KCNQ1: variants seen among roughly 807,000 people sequenced by gnomAD.
KCNQ1 encodes the protein potassium voltage-gated channel subfamily KQT member 1.
A neutral mutation model predicts 72.4 loss-of-function variants in KCNQ1; 49 were observed. That is an observed-to-expected ratio of 0.68 (90% CI 0.54 to 0.86). The LOEUF is 0.86. Among genes scored for constraint, KCNQ1 ranks in the 40% least tolerant of loss-of-function variants. KCNQ1 has a pLI of 0.00. For missense variants in KCNQ1, 790 were observed against 945.1 expected (o/e 0.84, Z 2.15); for synonymous variants, 450 against 412.6 (o/e 1.09, Z -1.10).
intron 11 of KCNQ1, chr11:2,684,352 T>G (rs1850448868): frequency 7.5e-6 from 3 of 398,546 alleles, no homozygotes. Context: ...GTTTGAGGCC[T>G]GGGACTTGCT....
intron 15 of KCNQ1, among the ~76,000 whole-genome samples, chr11:2,841,563 T>G (rs924856916): frequency 1.3e-5 from 2 of 152,168 alleles, no homozygotes; most frequent in South Asian, 4.2e-4. Flanking sequence ...TCGTGCCCTG[T>G]GGATACAGGA....
Position 2,645,959 on chromosome 11 carries a change from G to A in KCNQ1, c.1394-16002G>A, listed in dbSNP as rs1849659346. ...TAGTCTCAAGGCATCTATGGGTCAG[G>A]GGGTTCTCTGACTAGGATTTCAGGA... On this transcript the variant is annotated intron_variant, in intron 10 of 15. Coordinates refer to ENST00000155840, the MANE Select transcript of KCNQ1 (RefSeq NM_000218.3). The surrounding 1 kb of genome is among the most constrained non-coding windows in gnomAD (Gnocchi z 5.8). 2.5e-6 allele frequency: 1 copy of A among 398,468 alleles called. No individual in the cohort carries two copies. The highest frequency in any genetic ancestry group is 2.1e-5 in the African/African-American group (1 of 48,572). 24.7% of individuals were successfully genotyped at this position (398,468 alleles called of 1,614,324 possible).
intron 2 of KCNQ1, among the ~76,000 whole-genome samples, chr11:2,530,002 C>A (rs1228502660): frequency 6.6e-6 from 1 of 152,158 alleles, no homozygotes; most frequent in Non-Finnish European, 1.5e-5. Context: ...GGAATAAACC[C>A]CCTTGGTCCT....
chr11:2,554,349 C>T (rs928033131), intron 2 of KCNQ1, among the ~76,000 whole-genome samples: 4 of 152,224 alleles, frequency 2.6e-5, no homozygotes, highest in Non-Finnish European at 5.9e-5. Context: ...TCTATTTCTT[C>T]TTGATGAGGT....
chr11:2,565,169 T>A lies in KCNQ1; in HGVS notation c.478-5459T>A, dbSNP rs1215637112. On this transcript the variant is annotated intron_variant, in intron 2 of 15. Coordinates refer to ENST00000155840, the MANE Select transcript of KCNQ1 (RefSeq NM_000218.3). The surrounding 1 kb of genome is among the most constrained non-coding windows in gnomAD (Gnocchi z 5.6). The stretch of plus-strand genomic sequence containing the variant: ...TAAACAGACTATTTGTTAGAGCAGT[T>A]TTAGGTTCACAGCAAAATCGAGCGG... Among the ~76,000 whole-genome samples the A allele has an allele frequency of 6.6e-6, 1 of 152,172 alleles. No individual in the cohort carries two copies. The highest frequency in any genetic ancestry group is 1.9e-4 in the East Asian group (1 of 5,192).
At position 2,613,015 on chromosome 11, in the gene KCNQ1, T is replaced by C. The variant is rs369352207; in HGVS notation, c.1393+24161T>C. 2.5e-6 allele frequency: 1 copy of C among 398,638 alleles called. No homozygotes were observed. The highest frequency in any genetic ancestry group is 4.4e-6 in the Non-Finnish European group (1 of 226,084). The allele number at this position is 398,638 out of a possible 1,614,324, so 24.7% of individuals were successfully genotyped here. ...TCAGTTTTGTTTGTTTTAATTCTTA[T>C]GTTTGTTTTGTAAGCCTGGCTTCAT... is the stretch of plus-strand genomic sequence containing the variant. On this transcript the variant is annotated intron_variant, in intron 10 of 15. Coordinates refer to ENST00000155840, the MANE Select transcript of KCNQ1 (RefSeq NM_000218.3). This position sits in a 1 kb window ranked among gnomAD's most constrained non-coding sequence, Gnocchi z 4.8.
At position 2,464,481 on chromosome 11, in the gene KCNQ1, G is replaced by T. The variant is rs1846323532; in HGVS notation, c.386+18997G>T. Among the ~76,000 whole-genome samples, 1 of 152,208 alleles carries T rather than the reference G, an allele frequency of 6.6e-6. No homozygotes were observed. The highest frequency in any genetic ancestry group is 6.5e-5 in the Admixed American group (1 of 15,282). On this transcript the variant is annotated intron_variant, in intron 1 of 15. Coordinates refer to ENST00000155840, the MANE Select transcript of KCNQ1 (RefSeq NM_000218.3). This position sits in a 1 kb window ranked among gnomAD's most constrained non-coding sequence, Gnocchi z 5.0. ...ATTGAGTGTGATTTGACCTAGGAGA[G>T]TGCCGGGGTGGGGGCAGGTGCACTG...
rs891477107 is a variant in KCNQ1 at position 2,592,487 on chromosome 11, C to G, written c.1393+3633C>G. Among the ~76,000 whole-genome samples the G allele has an allele frequency of 6.6e-6, 1 of 152,184 alleles. No homozygotes were observed. Among genetic ancestry groups the G allele is most frequent in the Non-Finnish European group, 1.5e-5 (1 of 68,026 alleles). On this transcript the variant is annotated intron_variant, in intron 10 of 15. Transcript: ENST00000155840. This position sits in a 1 kb window ranked among gnomAD's most constrained non-coding sequence, Gnocchi z 5.2. The stretch of plus-strand genomic sequence containing the variant: ...CACGCAGCAGGGCCCGCTGCTGCTC[C>G]CTCAACCTTCTGACCTGGGTGGGGA...
In KCNQ1 at chr11:2,746,088, C is replaced by T. The variant is rs911896344; in HGVS notation, c.1515-22756C>T. ...TATTTTTGGTAGAGGTGGGGTTTCA[C>T]CATGCTGGCCAGGCTGATCTCGAAC... On this transcript the variant is annotated intron_variant, in intron 11 of 15. Coordinates refer to ENST00000155840, the MANE Select transcript of KCNQ1 (RefSeq NM_000218.3). The surrounding 1 kb of genome is among the most constrained non-coding windows in gnomAD (Gnocchi z 5.9). Among the ~76,000 whole-genome samples, 1 of 152,170 alleles carries T rather than the reference C, an allele frequency of 6.6e-6. No homozygotes were observed. Among genetic ancestry groups the T allele is most frequent in the African/African-American group, 2.4e-5 (1 of 41,444 alleles).
At chr11:2,843,637 C>A (rs745528444) in intron 15 of KCNQ1, among the ~76,000 whole-genome samples, 1 of 152,226 alleles carries the variant, frequency 6.6e-6, no homozygotes, top group Non-Finnish European at 1.5e-5. Context: ...CGGTCCTAGG[C>A]GGGGATCAAG....
rs1465413896 is a variant in KCNQ1, at chr11:2,592,874, C to A, written c.1393+4020C>A. Among the ~76,000 whole-genome samples the A allele has an allele frequency of 6.6e-6, 1 of 152,186 alleles. No homozygotes were observed. The highest frequency in any genetic ancestry group is 2.4e-5 in the African/African-American group (1 of 41,444). ...ATCTGCAGGTCAGAAGAGGCCTGGG[C>A]TGGAGCCGCATACTGGCCATGCTGC... On this transcript the variant is annotated intron_variant, in intron 10 of 15. Transcript: ENST00000155840. This position sits in a 1 kb window ranked among gnomAD's most constrained non-coding sequence, Gnocchi z 5.2.
intron 11 of KCNQ1, among the ~76,000 whole-genome samples, chr11:2,701,629 G>T (rs1262317802): frequency 6.6e-6 from 1 of 152,200 alleles, no homozygotes; most frequent in Non-Finnish European, 1.5e-5. Context: ...GAAGTCTGAG[G>T]GGAAAATGGA....
chr11:2,519,479 G>C (rs886552979), intron 1 of KCNQ1, among the ~76,000 whole-genome samples: 1 of 152,196 alleles, frequency 6.6e-6, no homozygotes, highest in African/African-American at 2.4e-5. Flanking sequence ...ATGAGGCCGG[G>C]CATGGTGGCT....
chr11:2,658,027 T>G lies in KCNQ1; in HGVS notation c.1394-3934T>G. On this transcript the variant is annotated intron_variant, in intron 10 of 15. Transcript: ENST00000155840. This position sits in a 1 kb window ranked among gnomAD's most constrained non-coding sequence, Gnocchi z 4.9. ...CTGTTTTTCCCTTTCCATAGCTTAG[T>G]CTTTAGAAGCGAGTCACTAAGTATA... 1 of 398,596 alleles carries G rather than the reference T, an allele frequency of 2.5e-6. No individual in the cohort carries two copies. Among genetic ancestry groups the G allele is most frequent in the Non-Finnish European group, 4.4e-6 (1 of 226,042 alleles). The allele number at this position is 398,596 out of a possible 1,614,324, so 24.7% of individuals were successfully genotyped here.
chr11:2,653,500 C>A lies in KCNQ1; in HGVS notation c.1394-8461C>A. ...TTTCAGACACAGCTGGACCCCAGAG[C>A]TGAGATGATCTTGCTCACTTGCTCT... On this transcript the variant is annotated intron_variant, in intron 10 of 15. Coordinates refer to ENST00000155840, the MANE Select transcript of KCNQ1 (RefSeq NM_000218.3). This position sits in a 1 kb window ranked among gnomAD's most constrained non-coding sequence, Gnocchi z 5.3. The A allele has an allele frequency of 2.5e-6, 1 of 398,706 alleles. No individual in the cohort carries two copies. Among genetic ancestry groups the A allele is most frequent in the East Asian group, 3.6e-5 (1 of 28,078 alleles). 24.7% of individuals were successfully genotyped at this position (398,706 alleles called of 1,614,324 possible).
chr11:2,531,967 C>T (rs72847666), intron 2 of KCNQ1, among the ~76,000 whole-genome samples: 4,876 of 152,310 alleles, frequency 0.032, 96 homozygotes, highest in Non-Finnish European at 0.048. Flanking sequence ...CTACCCACCC[C>T]ACCTCACCCA....
chr11:2,660,725 C>A, intron 10 of KCNQ1: 1 of 398,644 alleles, frequency 2.5e-6, no homozygotes, highest in Non-Finnish European at 4.4e-6. Context: ...CTTCATTCAA[C>A]ACTTCATTCA....
rs1037385860 is a variant in KCNQ1 at position 2,614,969 on chromosome 11, G to A, written c.1393+26115G>A. 4.5e-5 allele frequency: 18 copies of A among 398,414 alleles called. No individual in the cohort carries two copies. The Middle Eastern group carries it at 8.8e-3, about 195-fold the overall frequency. The allele number at this position is 398,414 out of a possible 1,614,324, so 24.7% of individuals were successfully genotyped here. On this transcript the variant is annotated intron_variant, in intron 10 of 15. Transcript: ENST00000155840. ...TTTTGATAAGGGTTGCATTGAATCT[G>A]TAGATCACTGGGTAATATCGCCAAC... is the stretch of plus-strand genomic sequence containing the variant.
At chr11:2,689,660 TGA>T (rs1850557065) in intron 11 of KCNQ1, 2 of 398,560 alleles carry the variant, frequency 5.0e-6, no homozygotes, top group African/African-American at 4.1e-5. Flanking sequence ...ACAAGCCTCC[TGA>T]GAGGGCCAGG....
Sources: gnomAD v4.1 joint callset for allele counts (sites outside exome capture counted in the v4.1 genomes callset) on GRCh38, gnomAD v4.1.1 for gene constraint, Gnocchi (gnomAD v3.1) non-coding constraint, MANE v1.5 for transcripts, NCBI Gene and HGNC (gene_info 2026-07-23, HGNC 2026-07-21) for gene names.